Variants in AK8 observed in about 807,000 individuals in gnomAD.
AK8 encodes the protein adenylate kinase 8.
In AK8, 44 loss-of-function variants were observed where a neutral mutation model predicts 54.6. The observed-to-expected ratio is 0.81, with a 90% CI of 0.63 to 1.04. The LOEUF (loss-of-function observed/expected upper bound fraction) is 1.04. AK8 is among the 50% of genes least tolerant of loss of function. AK8 has a pLI of 0.00. For synonymous variants in AK8, 239 were observed against 245.6 expected, an observed-to-expected ratio of 0.97 and a Z score of 0.25; for missense variants, 555 against 613.6, an observed-to-expected ratio of 0.90 and a Z score of 1.01.
chr9:132,729,873 C>T (rs1230041234), intron 11 of AK8, among the ~76,000 whole-genome samples: 1 of 152,200 alleles, frequency 6.6e-6, no homozygotes, highest in Non-Finnish European at 1.5e-5. Flanking sequence ...CCAGAAGCAC[C>T]TCTACGTGCG....
intron 9 of AK8, 126 bp from the exon 10 acceptor site, chr9:132,814,853 G>GCT: frequency 1.4e-6 from 1 of 702,308 alleles, no homozygotes; most frequent in Non-Finnish European, 2.3e-6. Flanking sequence ...GCATAAAAGG[G>GCT]TTTTTCTGTG....
At chr9:132,767,024 A>C (rs563091229) in intron 11 of AK8, among the ~76,000 whole-genome samples, 2 of 152,358 alleles carry the variant, frequency 1.3e-5, no homozygotes, top group African/African-American at 4.8e-5. Context: ...AACCTATAAA[A>C]CTACTAAAAG....
chr9:132,788,263 T>C (rs907376001), intron 11 of AK8, among the ~76,000 whole-genome samples: 3 of 152,080 alleles, frequency 2.0e-5, no homozygotes, highest in African/African-American at 7.2e-5. Flanking sequence ...TTAAAGCAGG[T>C]TTCCTGGAAA....
At chr9:132,844,334 C>T (rs983765085) in intron 5 of AK8, among the ~76,000 whole-genome samples, 3 of 143,472 alleles carry the variant, frequency 2.1e-5, no homozygotes, top group Non-Finnish European at 4.6e-5. Context: ...GAAAAAGAAA[C>T]GACCCCCCTG....
rs1231037510 is a variant in AK8 at position 132,791,380 on chromosome 9, T to C, written c.1121+1254A>G. On this transcript the variant is annotated intron_variant, in intron 11 of 12. Coordinates refer to ENST00000298545, the MANE Select transcript of AK8 (RefSeq NM_152572.3). The surrounding 1 kb of genome is among the most constrained non-coding windows in gnomAD (Gnocchi z 4.0). The stretch of plus-strand genomic sequence containing the variant: ...CCTCCCTAACATGTGGGGATTATAG[T>C]TCAAGATGAGATTTGGGTGGGAACA... Among the ~76,000 whole-genome samples, 1 of 152,168 alleles carries C rather than the reference T, an allele frequency of 6.6e-6. No individual in the cohort carries two copies. Among genetic ancestry groups the C allele is most frequent in the East Asian group, 1.9e-4 (1 of 5,198 alleles).
chr9:132,874,053 C>A (rs984508759), intron 2 of AK8, among the ~76,000 whole-genome samples: 1 of 152,242 alleles, frequency 6.6e-6, no homozygotes, highest in Non-Finnish European at 1.5e-5. Context: ...CCACCCCCGC[C>A]TGGGCATATA....
chr9:132,792,897 G>A (rs1840007549), intron 10 of AK8, 122 bp from the exon 11 acceptor site: 5 of 1,233,628 alleles, frequency 4.1e-6, no homozygotes, highest in Non-Finnish European at 5.5e-6. Context: ...GAGCCACTTG[G>A]AACCACTTGG....
intron 8 of AK8, among the ~76,000 whole-genome samples, chr9:132,825,025 G>A (rs982955640): frequency 1.1e-4 from 16 of 152,168 alleles, no homozygotes; most frequent in African/African-American, 3.1e-4. Context: ...TTCCTCCACT[G>A]AGAGAAGCCC....
At chr9:132,727,149 C>G (rs2130926233) in intron 12 of AK8, among the ~76,000 whole-genome samples, 1 of 152,278 alleles carries the variant, frequency 6.6e-6, no homozygotes, top group Admixed American at 6.5e-5. Flanking sequence ...AGTGAGGAAA[C>G]AGGTGACGCC....
chr9:132,797,291 A>G (rs1344724452), intron 10 of AK8, among the ~76,000 whole-genome samples: 1 of 151,968 alleles, frequency 6.6e-6, no homozygotes, highest in Non-Finnish European at 1.5e-5. Flanking sequence ...AGCATCTAAT[A>G]AACACGAAGG....
intron 10 of AK8, among the ~76,000 whole-genome samples, chr9:132,806,122 GTGTGTA>G (rs1336004108): frequency 1.4e-5 from 2 of 148,090 alleles, no homozygotes; most frequent in Admixed American, 6.9e-5. Context: ...GTGTGTGTGT[GTGTGTA>G]GAAAAATGAA....
intron 10 of AK8, among the ~76,000 whole-genome samples, chr9:132,805,265 A>C (rs1840666502): frequency 6.6e-6 from 1 of 152,176 alleles, no homozygotes; most frequent in Non-Finnish European, 1.5e-5. Flanking sequence ...TGGACTTCCC[A>C]GAAATGTCAG....
intron 11 of AK8, among the ~76,000 whole-genome samples, chr9:132,780,731 G>C (rs1057362391): frequency 2.0e-5 from 3 of 152,168 alleles, no homozygotes; most frequent in Non-Finnish European, 4.4e-5. Context: ...GGTTTCCTGA[G>C]AGTCCTAAAA....
chr9:132,737,798 C>T (rs1837188693), intron 11 of AK8, among the ~76,000 whole-genome samples: 1 of 152,200 alleles, frequency 6.6e-6, no homozygotes, highest in African/African-American at 2.4e-5. Context: ...CACTTTCTCC[C>T]TAAAATTGAG....
chr9:132,847,558 AC>A (rs1842796823), intron 5 of AK8, among the ~76,000 whole-genome samples: 1 of 152,026 alleles, frequency 6.6e-6, no homozygotes. Context: ...GACAGCCCCC[AC>A]CCCTGCTGAG....
intron 2 of AK8, among the ~76,000 whole-genome samples, chr9:132,869,406 C>T (rs1843719418): frequency 1.3e-5 from 2 of 152,222 alleles, no homozygotes; most frequent in South Asian, 4.1e-4. Context: ...AACCATGCTG[C>T]CGCCATCAAC....
At chr9:132,814,757 A>G in intron 9 of AK8, 30 bp from the exon 10 acceptor site, 1 of 1,593,894 alleles carries the variant, frequency 6.3e-7, no homozygotes, top group Non-Finnish European at 8.6e-7. Context: ...AAAGACACCC[A>G]TTAAATTTTA....
At position 132,799,596 on chromosome 9, in the gene AK8, AAC is replaced by A. The variant is rs141099716; in HGVS notation, c.980-6823_980-6822del. 0.024 allele frequency among the ~76,000 whole-genome samples: 3,602 copies of A among 149,822 alleles called. 139 individuals are homozygous for A. The highest frequency in any genetic ancestry group is 0.082 in the African/African-American group (3,373 of 40,928). On this transcript the variant is annotated intron_variant, in intron 10 of 12. Coordinates refer to ENST00000298545, the MANE Select transcript of AK8 (RefSeq NM_152572.3). This position sits in a 1 kb window ranked among gnomAD's most constrained non-coding sequence, Gnocchi z 5.0. ...ACATGTGCTCATGCACTCAGCTACA[AAC>A]ACACACACACACACACCACACACCC...
chr9:132,803,366 G>A lies in AK8; in HGVS notation c.980-10591C>T, dbSNP rs1023789445. ...GTCCCCAAAGCTGGTAGCAGTCATG[G>A]GAAATAAATAAATATAAAAAATCCC... On this transcript the variant is annotated intron_variant, in intron 10 of 12. Coordinates refer to ENST00000298545, the MANE Select transcript of AK8 (RefSeq NM_152572.3). The surrounding 1 kb of genome is among the most constrained non-coding windows in gnomAD (Gnocchi z 4.4). 6.7e-6 allele frequency among the ~76,000 whole-genome samples: 1 copy of A among 150,304 alleles called. No homozygotes were observed.
Sources: gnomAD v4.1 joint callset for allele counts (sites outside exome capture counted in the v4.1 genomes callset) on GRCh38, gnomAD v4.1.1 for gene constraint, Gnocchi (gnomAD v3.1) non-coding constraint, MANE v1.5 for transcripts, NCBI Gene and HGNC (gene_info 2026-07-23, HGNC 2026-07-21) for gene names.